Variants in ADAD1 observed in about 807,000 individuals in gnomAD.
The protein encoded by ADAD1 is adenosine deaminase domain containing 1.
In ADAD1, 46 loss-of-function variants were observed where a neutral mutation model predicts 66.8. The ratio of observed to expected loss-of-function variants is 0.69; its 90% CI spans 0.54 to 0.88. The LOEUF is 0.88. ADAD1 is among the 40% of genes least tolerant of loss of function. The pLI is 0.00. For missense variants in ADAD1, 617 were observed against 681.8 expected, an observed-to-expected ratio of 0.91 and a Z score of 1.06; for synonymous variants, 248 against 229.4, an observed-to-expected ratio of 1.08 and a Z score of -0.73.
chr4:122,409,431 C>A (rs1199038389), intron 8 of ADAD1, among the ~76,000 whole-genome samples: 1 of 151,688 alleles, frequency 6.6e-6, no homozygotes. Context: ...ATGTTTATAG[C>A]GTTCATAAGC....
rs1796700405 is a variant in ADAD1, at chr4:122,415,698, T to G, written c.1487+82T>G. 7 of 1,166,670 alleles carry G rather than the reference T, an allele frequency of 6.0e-6. No individual in the cohort carries two copies. In the East Asian group the frequency reaches 1.7e-4, roughly 28 times the overall value. 72.3% of individuals were successfully genotyped at this position (1,166,670 alleles called of 1,614,324 possible). A position where few individuals can be genotyped will look rare whatever the true frequency, so the allele number is the denominator to read the frequency against. On this transcript the variant is annotated intron_variant, in intron 11 of 12. Transcript: ENST00000296513. Reference sequence around the variant, plus strand: ...ATTGCAGTTTTTATTCTGACTCTTTTGGATACTATTTATTGAACTCTGAAC... The same window carrying G: ...ATTGCAGTTTTTATTCTGACTCTTTGGGATACTATTTATTGAACTCTGAAC...
intron 7 of ADAD1, among the ~76,000 whole-genome samples, chr4:122,401,906 G>T (rs1429137915): frequency 1.3e-5 from 2 of 152,028 alleles, no homozygotes; most frequent in Admixed American, 1.3e-4. Context: ...GTCTCTTGAA[G>T]ACAGCAGAAA....
rs765491141 is a variant in ADAD1 at position 122,379,438 on chromosome 4, C to T, written c.-16C>T. On this transcript the variant is annotated 5_prime_UTR_variant, in exon 2 of 13. Transcript: ENST00000296513. ...AGCGCGGGGGCAAGAGCGCCGGCCT[C>T]CGAGACGGTTAGTGATTGGACGAAG... is the stretch of plus-strand genomic sequence containing the variant. 6.6e-6 allele frequency: 1 copy of T among 152,484 alleles called. No individual in the cohort carries two copies. Among genetic ancestry groups the T allele is most frequent in the Non-Finnish European group, 1.5e-5 (1 of 68,126 alleles). The allele number at this position is 152,484 out of a possible 1,614,324, so 9.4% of individuals were successfully genotyped here. A position where few individuals can be genotyped will look rare whatever the true frequency, so the allele number is the denominator to read the frequency against.
At chr4:122,409,382 T>C (rs796928855) in intron 8 of ADAD1, among the ~76,000 whole-genome samples, 2 of 152,158 alleles carry the variant, frequency 1.3e-5, no homozygotes. Flanking sequence ...TTAAATTTTA[T>C]AATTTCTTAT....
At chr4:122,388,139 C>G (rs1485158812) in intron 5 of ADAD1, among the ~76,000 whole-genome samples, 1 of 152,086 alleles carries the variant, frequency 6.6e-6, no homozygotes, top group Non-Finnish European at 1.5e-5. Flanking sequence ...TGGTTTTTGT[C>G]TTTGGTTCTG....
intron 10 of ADAD1, among the ~76,000 whole-genome samples, chr4:122,413,152 G>A (rs1169988541): frequency 6.6e-6 from 1 of 152,126 alleles, no homozygotes; most frequent in Non-Finnish European, 1.5e-5. Context: ...AACCTTGGTT[G>A]TGAAGCTTAT....
intron 5 of ADAD1, among the ~76,000 whole-genome samples, chr4:122,386,021 ATAG>A (rs541392284): frequency 4.6e-4 from 70 of 152,260 alleles, no homozygotes; most frequent in African/African-American, 1.6e-3. Flanking sequence ...ATGTGTCTTT[ATAG>A]TAGAATGATT....
chr4:122,418,892 G>A (rs2150595817), intron 11 of ADAD1, among the ~76,000 whole-genome samples: 1 of 152,280 alleles, frequency 6.6e-6, no homozygotes, highest in South Asian at 2.1e-4. Context: ...ATGCTGGTGA[G>A]GTTGTGGAGA....
At chr4:122,426,293 TAAC>T (rs1560610210) in intron 12 of ADAD1, among the ~76,000 whole-genome samples, 3 of 151,782 alleles carry the variant, frequency 2.0e-5, no homozygotes, top group Admixed American at 6.6e-5. Flanking sequence ...AAAACTGACT[TAAC>T]AATAGAATAT....
At chr4:122,393,873 T>A (rs1261319891) in intron 6 of ADAD1, among the ~76,000 whole-genome samples, 1 of 152,236 alleles carries the variant, frequency 6.6e-6, no homozygotes, top group Non-Finnish European at 1.5e-5. Context: ...AGATTTTTTT[T>A]TCCTATAAGG....
At chr4:122,423,630 A>G (rs1266357528) in intron 12 of ADAD1, among the ~76,000 whole-genome samples, 1 of 152,256 alleles carries the variant, frequency 6.6e-6, no homozygotes, top group African/African-American at 2.4e-5. Flanking sequence ...GTTGAAAAAT[A>G]CATAGTTCTT....
chr4:122,397,646 A>C (rs1795778494), intron 7 of ADAD1, among the ~76,000 whole-genome samples: 1 of 152,168 alleles, frequency 6.6e-6, no homozygotes, highest in African/African-American at 2.4e-5. Context: ...TGGAGTGCCT[A>C]CATTAGAGTT....
In ADAD1 at chr4:122,386,962, G is replaced by A. The variant is rs191275493; in HGVS notation, c.529+2996G>A. On this transcript the variant is annotated intron_variant, in intron 5 of 12. Coordinates refer to ENST00000296513, the MANE Select transcript of ADAD1 (RefSeq NM_139243.4). ...ATTCTTGTAGTATAGTTTGAAGTCAGGTAGCATGATGCCTCCAGCTTTGTT... is the reference window on the plus strand; with the variant it reads ...ATTCTTGTAGTATAGTTTGAAGTCAAGTAGCATGATGCCTCCAGCTTTGTT... Among the ~76,000 whole-genome samples, 1,141 of 152,286 alleles carry A rather than the reference G, an allele frequency of 7.5e-3. 12 individuals are homozygous for A. The highest frequency in any genetic ancestry group is 0.029 in the South Asian group (139 of 4,816).
intron 7 of ADAD1, among the ~76,000 whole-genome samples, chr4:122,398,289 A>G (rs898753310): frequency 4.7e-5 from 7 of 149,980 alleles, no homozygotes; most frequent in African/African-American, 1.7e-4. Flanking sequence ...ATGGTCTCCA[A>G]CTCTATCCAG....
At chr4:122,416,139 A>T (rs923472659) in intron 11 of ADAD1, among the ~76,000 whole-genome samples, 10 of 152,068 alleles carry the variant, frequency 6.6e-5, no homozygotes, top group Non-Finnish European at 1.5e-5. Flanking sequence ...TATTTTTTAC[A>T]GTTTCTGAGA....
At chr4:122,381,264 T>C (rs1216449874) in intron 4 of ADAD1, 84 bp downstream of exon 4, 2 of 1,316,548 alleles carry the variant, frequency 1.5e-6, no homozygotes, top group Non-Finnish European at 2.0e-6. Flanking sequence ...TTTCTTCTAA[T>C]ATTGGAGTTA....
chr4:122,387,610 A>G (rs1179985928), intron 5 of ADAD1, among the ~76,000 whole-genome samples: 3 of 151,804 alleles, frequency 2.0e-5, no homozygotes, highest in Non-Finnish European at 4.4e-5. Context: ...AGTATGTTGA[A>G]TAATAGTGTG....
At position 122,415,375 on chromosome 4, in the gene ADAD1, C is replaced by G. The variant is rs1475165014; in HGVS notation, c.1250-4C>G. Reference sequence around the variant, plus strand: ...AACTTGAGTGTTTTGTTTTTGCTTTCTAGGTGATGGGAATTGCAGTGATAC... The same window carrying G: ...AACTTGAGTGTTTTGTTTTTGCTTTGTAGGTGATGGGAATTGCAGTGATAC... On this transcript the variant is annotated splice_region_variant and splice_polypyrimidine_tract_variant and intron_variant, in intron 10 of 12. Transcript: ENST00000296513. The G allele has an allele frequency of 1.2e-6, 2 of 1,600,450 alleles. No homozygotes were observed. The highest frequency in any genetic ancestry group is 1.1e-5 in the South Asian group (1 of 88,460).
At chr4:122,426,547 C>G (rs1223959296) in intron 12 of ADAD1, among the ~76,000 whole-genome samples, 1 of 148,596 alleles carries the variant, frequency 6.7e-6, no homozygotes, top group Non-Finnish European at 1.5e-5. Context: ...AAACTACAAA[C>G]CAATCTCTCT....
Sources: gnomAD v4.1 joint callset for allele counts (sites outside exome capture counted in the v4.1 genomes callset) on GRCh38, gnomAD v4.1.1 for gene constraint, MANE v1.5 for transcripts, NCBI Gene and HGNC (gene_info 2026-07-23, HGNC 2026-07-21) for gene names.